IL1RAPL1: variants seen among roughly 807,000 people sequenced by gnomAD.
The protein encoded by IL1RAPL1 is interleukin-1 receptor accessory protein-like 1.
IL1RAPL1 carries 3 observed loss-of-function variants against 48.4 expected under a neutral mutation model. The ratio of observed to expected loss-of-function variants is 0.06; its 90% confidence interval spans 0.03 to 0.16. The LOEUF (loss-of-function observed/expected upper bound fraction) is 0.16. Ranked by LOEUF, IL1RAPL1 falls within the 10% of genes least tolerant of loss-of-function variation. The pLI is 1.00. For missense variants in IL1RAPL1, 349 were observed against 530.6 expected (o/e 0.66, Z 3.36); for synonymous variants, 185 against 187.7 (o/e 0.99, Z 0.12).
At chrX:29,599,527 G>A (rs1218135664) in intron 5 of IL1RAPL1, among the ~76,000 whole-genome samples, 1 of 111,855 alleles carries the variant, frequency 8.9e-6, no homozygotes, top group African/African-American at 3.2e-5. Flanking sequence ...AATTTCCTGG[G>A]TGTTCTTTGA....
At chrX:28,622,126 GA>G (rs1359690165) in intron 1 of IL1RAPL1, among the ~76,000 whole-genome samples, 1 of 111,186 alleles carries the variant, frequency 9.0e-6, no homozygotes, top group African/African-American at 3.3e-5. Flanking sequence ...AAAATAAAGA[GA>G]AAAAAATATA....
chrX:29,356,472 TATAC>T lies in IL1RAPL1; in HGVS notation c.363-39778_363-39775del, dbSNP rs1269006591. Among the ~76,000 whole-genome samples, 3 of 97,877 alleles carry T rather than the reference TATAC, an allele frequency of 3.1e-5. No individual in the cohort carries two copies. In the East Asian group the frequency reaches 1.0e-3, roughly 33 times the overall value. The allele number at this position is 97,877 out of a possible 115,157, so 85.0% of individuals were successfully genotyped here. A position where few individuals can be genotyped will look rare whatever the true frequency, so the allele number is the denominator to read the frequency against. ...ATGTTTTAAAGATCCATTTATACTATATACATACATATATGTATATAGACATGCA... is the reference window on the plus strand; with the variant it reads ...ATGTTTTAAAGATCCATTTATACTATATACATATATGTATATAGACATGCA... On this transcript the variant is annotated intron_variant, in intron 3 of 10. Transcript: ENST00000378993.
chrX:29,053,233 A>C (rs1449724796), intron 2 of IL1RAPL1, among the ~76,000 whole-genome samples: 1 of 112,037 alleles, frequency 8.9e-6, no homozygotes, highest in Non-Finnish European at 1.9e-5. Context: ...GCTGCATAGT[A>C]TTCCACGTTG....
intron 8 of IL1RAPL1, among the ~76,000 whole-genome samples, chrX:29,927,181 G>A (rs955668552): frequency 3.6e-5 from 4 of 111,963 alleles, no homozygotes; most frequent in African/African-American, 9.7e-5. Context: ...AATTTCAATC[G>A]AGTTCCTTAT....
At chrX:29,662,853 CTT>C (rs889682247) in intron 5 of IL1RAPL1, among the ~76,000 whole-genome samples, 1 of 111,913 alleles carries the variant, frequency 8.9e-6, no homozygotes, top group African/African-American at 3.2e-5. Flanking sequence ...ACTCCTCACT[CTT>C]TGAGGCTCCT....
chrX:28,635,446 A>G (rs1313810562), intron 1 of IL1RAPL1, among the ~76,000 whole-genome samples: 2 of 111,999 alleles, frequency 1.8e-5, no homozygotes, highest in African/African-American at 3.3e-5. Flanking sequence ...CTGTACTTCA[A>G]GTACCCATAC....
Position 29,465,320 on chromosome X carries a change from C to T in IL1RAPL1, c.703+66012C>T, listed in dbSNP as rs367576874. Among the ~76,000 whole-genome samples the T allele has an allele frequency of 3.1e-4, 35 of 111,114 alleles. 1 individual carries two copies. Among genetic ancestry groups the T allele is most frequent in the East Asian group, 8.5e-4 (3 of 3,520 alleles). On this transcript the variant is annotated intron_variant, in intron 5 of 10. Transcript: ENST00000378993. ...ACTTTGGAGGCTGAGATGGGCGGAT[C>T]GCTTGAGCCCATGAGGTTGAGGCAG...
chrX:29,786,217 C>T (rs1425144010), intron 6 of IL1RAPL1, among the ~76,000 whole-genome samples: 1 of 111,059 alleles, frequency 9.0e-6, no homozygotes, highest in Non-Finnish European at 1.9e-5. Flanking sequence ...CTGGCCTCAT[C>T]GAACGTACAC....
intron 6 of IL1RAPL1, among the ~76,000 whole-genome samples, chrX:29,771,198 G>A (rs751381511): frequency 3.6e-5 from 4 of 112,152 alleles, no homozygotes; most frequent in Non-Finnish European, 3.8e-5. Flanking sequence ...TTTGATTGAC[G>A]TGGGTGAGCA....
intron 9 of IL1RAPL1, among the ~76,000 whole-genome samples, chrX:29,947,718 A>T (rs1460183578): frequency 1.9e-5 from 2 of 104,828 alleles, no homozygotes; most frequent in Non-Finnish European, 3.9e-5. Context: ...ACCTCTGCAA[A>T]TCATTTAAAA....
intron 7 of IL1RAPL1, among the ~76,000 whole-genome samples, chrX:29,918,706 T>C (rs73456479): frequency 0.054 from 5,947 of 110,836 alleles, 434 homozygotes; most frequent in African/African-American, 0.19. Flanking sequence ...GTCGAAATAT[T>C]TGTATAGTGG....
intron 2 of IL1RAPL1, among the ~76,000 whole-genome samples, chrX:29,006,462 T>C (rs754591131): frequency 1.3e-3 from 140 of 105,613 alleles, no homozygotes; most frequent in African/African-American, 4.8e-3. Flanking sequence ...TGCAGTGAGC[T>C]GAGATGGCGC....
At chrX:29,179,480 G>A (rs1401972888) in intron 2 of IL1RAPL1, among the ~76,000 whole-genome samples, 3 of 111,659 alleles carry the variant, frequency 2.7e-5, no homozygotes, top group Admixed American at 9.5e-5. Context: ...CCCCAGAGAT[G>A]TTCATGTGTT....
intron 2 of IL1RAPL1, among the ~76,000 whole-genome samples, chrX:28,838,030 A>C (rs762780745): frequency 9.1e-6 from 1 of 109,614 alleles, no homozygotes; most frequent in East Asian, 2.9e-4. Context: ...TTGAGTGTTC[A>C]TGGATTCATG....
intron 1 of IL1RAPL1, among the ~76,000 whole-genome samples, chrX:28,615,234 T>A (rs1326248512): frequency 6.2e-4 from 56 of 90,846 alleles, no homozygotes; most frequent in Middle Eastern, 5.3e-3. Context: ...TTTTTTTTTT[T>A]ACCTACAAAT....
At chrX:28,914,176 A>G (rs1923429059) in intron 2 of IL1RAPL1, among the ~76,000 whole-genome samples, 2 of 110,754 alleles carry the variant, frequency 1.8e-5, no homozygotes, top group African/African-American at 6.6e-5. Context: ...AAATACCTAG[A>G]CATTGTGCTG....
At chrX:29,736,603 G>A (rs1181134342) in intron 6 of IL1RAPL1, among the ~76,000 whole-genome samples, 5 of 111,439 alleles carry the variant, frequency 4.5e-5, no homozygotes, top group African/African-American at 1.3e-4. Context: ...GTGCATGCCT[G>A]TAGTCCCAGC....
At chrX:28,884,320 A>T (rs1922578444) in intron 2 of IL1RAPL1, among the ~76,000 whole-genome samples, 1 of 111,925 alleles carries the variant, frequency 8.9e-6, no homozygotes, top group South Asian at 3.6e-4. Context: ...ATCAACTAAA[A>T]TTTTTATAAA....
At chrX:29,007,829 C>T (rs1229181268) in intron 2 of IL1RAPL1, among the ~76,000 whole-genome samples, 1 of 111,841 alleles carries the variant, frequency 8.9e-6, no homozygotes, top group African/African-American at 3.3e-5. Context: ...AATGTCTACT[C>T]ACTAGAACAT....
Sources: allele counts gnomAD v4.1 joint callset (sites outside exome capture counted in the v4.1 genomes callset), GRCh38; gene constraint gnomAD v4.1.1; transcripts MANE v1.5; gene names NCBI Gene and HGNC (gene_info 2026-07-23, HGNC 2026-07-21).